VPS13D: variants seen among roughly 807,000 people sequenced by gnomAD.
VPS13D encodes vacuolar protein sorting 13 homolog D.
In VPS13D, 187 loss-of-function variants were observed where a neutral mutation model predicts 461.9. The ratio of observed to expected loss-of-function variants is 0.40; its 90% CI spans 0.36 to 0.46. The LOEUF is 0.46. Ranked by LOEUF, VPS13D falls within the 20% of genes least tolerant of loss-of-function variation. The pLI is 0.60. For missense variants in VPS13D, 4,711 were observed against 5,364.9 expected (o/e 0.88, Z 3.81); for synonymous variants, 1,951 against 1,986.3 (o/e 0.98, Z 0.47).
At chr1:12,298,155 T>C (rs546928062) in intron 24 of VPS13D, among the ~76,000 whole-genome samples, 1 of 152,334 alleles carries the variant, frequency 6.6e-6, no homozygotes, top group South Asian at 2.1e-4. Flanking sequence ...GAGGTAGGGC[T>C]TATGGCTTAT....
At chr1:12,499,608 T>C in intron 68 of VPS13D, 1 of 985,438 alleles carries the variant, frequency 1.0e-6, no homozygotes, top group African/African-American at 1.7e-5. Flanking sequence ...ATGAAACTCA[T>C]GAAATTCATA....
At chr1:12,343,895 A>T (rs556099396) in intron 42 of VPS13D, among the ~76,000 whole-genome samples, 1 of 152,244 alleles carries the variant, frequency 6.6e-6, no homozygotes, top group African/African-American at 2.4e-5. Context: ...TGTTGATTTC[A>T]ATTTTAATTT....
intron 67 of VPS13D, among the ~76,000 whole-genome samples, chr1:12,462,312 A>C (rs976834301): frequency 3.3e-5 from 5 of 152,182 alleles, no homozygotes; most frequent in Non-Finnish European, 7.3e-5. Flanking sequence ...TAGGAAAGTA[A>C]TCTTTGAGGT....
intron 44 of VPS13D, among the ~76,000 whole-genome samples, chr1:12,347,462 G>A (rs764721823): frequency 6.6e-6 from 1 of 152,118 alleles, no homozygotes; most frequent in Non-Finnish European, 1.5e-5. Flanking sequence ...GAGCCAACGC[G>A]CCCAGCCTAG....
chr1:12,244,513 T>C, intron 4 of VPS13D, 24 bp from the exon 5 acceptor site: 1 of 1,613,950 alleles, frequency 6.2e-7, no homozygotes, highest in Non-Finnish European at 8.5e-7. Context: ...TAGATTGAGC[T>C]AATGCTGACT....
At chr1:12,313,597 C>A (rs898087551) in intron 29 of VPS13D, among the ~76,000 whole-genome samples, 1 of 152,078 alleles carries the variant, frequency 6.6e-6, no homozygotes, top group Non-Finnish European at 1.5e-5. Context: ...TATGAAAAAA[C>A]GATGGTTCCA....
At chr1:12,436,946 G>A (rs960247086) in intron 65 of VPS13D, among the ~76,000 whole-genome samples, 6 of 152,206 alleles carry the variant, frequency 3.9e-5, no homozygotes, top group Admixed American at 1.3e-4. Flanking sequence ...GGGATTACAC[G>A]CGTGAGCCAC....
At chr1:12,446,819 C>T (rs1348197379) in intron 65 of VPS13D, among the ~76,000 whole-genome samples, 2 of 152,216 alleles carry the variant, frequency 1.3e-5, no homozygotes, top group Admixed American at 6.5e-5. Context: ...CCAATCTCCA[C>T]CCCAGTCTGG....
At position 12,378,475 on chromosome 1, in the gene VPS13D, G is replaced by C. The variant is rs753660235; in HGVS notation, c.10965G>C (p.Met3655Ile). The change falls in exon 56 of 70, where the codon ATG becomes ATC. Residue 3655 changes from methionine (M) to isoleucine (I), a missense_variant. Met to Ile is a conservative substitution (Grantham distance 10). Around this residue, in one of 3 missense-constraint regions of VPS13D, gnomAD observed 4,411 missense variants for 4,937.8 expected, o/e 0.89. Transcript: ENST00000620676. ...TGTGGAGGATGACAGGAACAGGAAT[G>C]CTGGCCCATGAGGGCTCCTCAGTTC... is the stretch of plus-strand genomic sequence containing the variant. ...SQLWRMTGTGMLAHEGSSVPH... is the reference protein window; with the variant it reads ...SQLWRMTGTGILAHEGSSVPH... 13 of 1,612,226 alleles carry C rather than the reference G, an allele frequency of 8.1e-6. No homozygotes were observed. The highest frequency in any genetic ancestry group is 4.5e-5 in the East Asian group (2 of 44,658).
chr1:12,351,262 G>C (rs1643786326), intron 46 of VPS13D, among the ~76,000 whole-genome samples: 1 of 152,150 alleles, frequency 6.6e-6, no homozygotes, highest in Non-Finnish European at 1.5e-5. Context: ...TGTTCCCCAT[G>C]AAGAGGTGCA....
chr1:12,503,746 C>T (rs752218035), intron 68 of VPS13D, among the ~76,000 whole-genome samples: 33 of 152,274 alleles, frequency 2.2e-4, no homozygotes, highest in Non-Finnish European at 4.0e-4. Flanking sequence ...CCACGGTGGC[C>T]TTCTTCCCTT....
rs774109319 is a variant in VPS13D, at chr1:12,311,560, A to T, written c.6757A>T (p.Asn2253Tyr). The change falls in exon 28 of 70, where the codon AAC becomes TAC. Residue 2253 changes from asparagine (N) to tyrosine (Y), a missense_variant. Coordinates refer to ENST00000620676, the MANE Select transcript of VPS13D (RefSeq NM_015378.4). The part of the protein sequence containing the change: ...KYKLIRGLLE[N>Y]NLGEPIEEFM... ...CAAGCTGATCCGCGGCTTATTAGAGAACAACCTGGGAGAACCCATAGAGGA... is the reference window on the plus strand; with the variant it reads ...CAAGCTGATCCGCGGCTTATTAGAGTACAACCTGGGAGAACCCATAGAGGA... The T allele has an allele frequency of 1.2e-6, 2 of 1,614,148 alleles. No homozygotes were observed. Among genetic ancestry groups the T allele is most frequent in the Non-Finnish European group, 8.5e-7 (1 of 1,180,032 alleles).
At chr1:12,338,329 T>G (rs776962850) in intron 40 of VPS13D, 24 bp downstream of exon 40, 1 of 1,607,582 alleles carries the variant, frequency 6.2e-7, no homozygotes, top group Non-Finnish European at 8.5e-7. Flanking sequence ...AAGCGAGGGC[T>G]TGCTTTATTT....
intron 2 of VPS13D, among the ~76,000 whole-genome samples, chr1:12,235,524 G>A (rs1640120596): frequency 6.6e-6 from 1 of 152,188 alleles, no homozygotes; most frequent in East Asian, 1.9e-4. Flanking sequence ...GCAGTGAGCC[G>A]AGGTCACACC....
Position 12,299,451 on chromosome 1 carries a change from A to G in VPS13D, c.6216+67A>G. On this transcript the variant is annotated intron_variant, in intron 25 of 69. Coordinates refer to ENST00000620676, the MANE Select transcript of VPS13D (RefSeq NM_015378.4). The surrounding 1 kb of genome is among the most constrained non-coding windows in gnomAD (Gnocchi z 4.2). ...TTTGATCACTAATTGAAAAATTTGT[A>G]TGCTGCTGTAAGATGATCCATAATT... 1 of 1,514,604 alleles carries G rather than the reference A, an allele frequency of 6.6e-7. No homozygotes were observed. Among genetic ancestry groups the G allele is most frequent in the South Asian group, 1.3e-5 (1 of 75,102 alleles). 93.8% of individuals were successfully genotyped at this position (1,514,604 alleles called of 1,614,324 possible). A position where few individuals can be genotyped will look rare whatever the true frequency, so the allele number is the denominator to read the frequency against.
At chr1:12,329,163 T>C (rs940405769) in intron 36 of VPS13D, among the ~76,000 whole-genome samples, 5 of 152,202 alleles carry the variant, frequency 3.3e-5, no homozygotes, top group African/African-American at 1.2e-4. Context: ...ATGACTTCTC[T>C]AATCAGTCTG....
intron 65 of VPS13D, among the ~76,000 whole-genome samples, chr1:12,438,734 C>G (rs1056203201): frequency 8.5e-5 from 13 of 152,180 alleles, no homozygotes; most frequent in African/African-American, 2.9e-4. Flanking sequence ...GGGACGCTTG[C>G]ACGTTAGAGC....
At chr1:12,322,249 G>T (rs1643058943) in intron 33 of VPS13D, among the ~76,000 whole-genome samples, 1 of 152,038 alleles carries the variant, frequency 6.6e-6, no homozygotes, top group African/African-American at 2.4e-5. Flanking sequence ...GTATTTTTTA[G>T]TAGAGACAGG....
chr1:12,404,162 T>G (rs746697229), intron 63 of VPS13D, among the ~76,000 whole-genome samples, 189 bp downstream of exon 63: 31 of 148,018 alleles, frequency 2.1e-4, no homozygotes, highest in Non-Finnish European at 4.2e-4. Flanking sequence ...CGTGTATTTG[T>G]CTTTAAAAAA....
Sources: gnomAD v4.1 joint callset for allele counts (sites outside exome capture counted in the v4.1 genomes callset) on GRCh38, gnomAD v4.1.1 for gene constraint, gnomAD v4.1.1 regional missense constraint, Gnocchi (gnomAD v3.1) non-coding constraint, MANE v1.5 for transcripts, NCBI Gene and HGNC (gene_info 2026-07-23, HGNC 2026-07-21) for gene names.